DYNLT2: variants seen among roughly 807,000 people sequenced by gnomAD.
DYNLT2 encodes dynein light chain Tctex-type 2.
Under a neutral mutation model 24.3 loss-of-function variants are expected in DYNLT2, and 24 were observed. The ratio of observed to expected loss-of-function variants is 0.99; its 90% CI spans 0.71 to 1.39. The LOEUF (loss-of-function observed/expected upper bound fraction) is 1.39, where lower values mean the gene tolerates loss of function less well. Among genes scored for constraint, DYNLT2 ranks in the 40% most tolerant of loss-of-function variants. DYNLT2 has a pLI of 0.00. For synonymous variants in DYNLT2, 85 were observed against 85.4 expected (o/e 1.00, Z 0.03); for missense variants, 246 against 234.5 (o/e 1.05, Z -0.32).
downstream of DYNLT2, among the ~76,000 whole-genome samples, chr6:169,736,142 GT>G (rs59505534): frequency 0.22 from 31,840 of 142,830 alleles, 4,176 homozygotes; most frequent in East Asian, 0.64. Flanking sequence ...TTTTTTGTTT[GT>G]TTTTTTTTTT....
At chr6:169,738,517 C>T (rs757602756), downstream of DYNLT2, among the ~76,000 whole-genome samples, 1 of 152,168 alleles carries the variant, frequency 6.6e-6, no homozygotes, top group African/African-American at 2.4e-5. Context: ...ACCACCTCCC[C>T]TGGCTTGGGG....
At chr6:169,748,457 T>C (rs1460534555) in intron 1 of DYNLT2, among the ~76,000 whole-genome samples, 3 of 152,164 alleles carry the variant, frequency 2.0e-5, no homozygotes, top group Admixed American at 6.5e-5. Flanking sequence ...AAACAATTGT[T>C]CCATACATTT....
intron 3 of DYNLT2, among the ~76,000 whole-genome samples, chr6:169,741,099 G>A (rs147754914): frequency 2.2e-3 from 333 of 152,160 alleles, no homozygotes; most frequent in Admixed American, 4.5e-3. Flanking sequence ...GAGCTACCAC[G>A]TCTGGCCGAA....
intron 3 of DYNLT2, among the ~76,000 whole-genome samples, chr6:169,742,140 ATAAT>A (rs1465996391): frequency 2.0e-5 from 3 of 152,242 alleles, no homozygotes; most frequent in Non-Finnish European, 4.4e-5. Context: ...TTATTAATAA[ATAAT>A]GTTTATAATT....
chr6:169,730,753 C>T, the DYNLT2 span, among the ~76,000 whole-genome samples: 1 of 152,138 alleles, frequency 6.6e-6, no homozygotes, highest in African/African-American at 2.4e-5. Flanking sequence ...AAAAAATTAG[C>T]CGGGCATGGT....
At chr6:169,730,188 A>G in the DYNLT2 span, among the ~76,000 whole-genome samples, 1 of 152,204 alleles carries the variant, frequency 6.6e-6, no homozygotes, top group Non-Finnish European at 1.5e-5. Flanking sequence ...AGAACTGTGC[A>G]AAGTGAGGAC....
At chr6:169,733,978 G>C in the DYNLT2 span, among the ~76,000 whole-genome samples, 1 of 151,984 alleles carries the variant, frequency 6.6e-6, no homozygotes, top group Admixed American at 6.6e-5. Context: ...GTGGTTTGTA[G>C]TTCTTGAAGA....
intron 1 of DYNLT2, among the ~76,000 whole-genome samples, chr6:169,749,154 C>T (rs1470578046): frequency 6.6e-6 from 1 of 152,062 alleles, no homozygotes; most frequent in Non-Finnish European, 1.5e-5. Context: ...GGCTGGAGTG[C>T]AGTGGCATGA....
downstream of DYNLT2, chr6:169,738,900 C>T (rs1393629589): frequency 1.3e-5 from 2 of 152,120 alleles, no homozygotes; most frequent in African/African-American, 4.8e-5. Context: ...AGCCAAACTC[C>T]ATTTGGATCT....
At chr6:169,728,531 A>G in the DYNLT2 span, among the ~76,000 whole-genome samples, 1 of 152,338 alleles carries the variant, frequency 6.6e-6, no homozygotes, top group Non-Finnish European at 1.5e-5. Flanking sequence ...AAAAATGACC[A>G]TGGAAGTTGA....
Position 169,751,446 on chromosome 6 carries a change from C to G in DYNLT2, c.13G>C (p.Gly5Arg). 1 of 1,614,038 alleles carries G rather than the reference C, an allele frequency of 6.2e-7. No homozygotes were observed. Among genetic ancestry groups the G allele is most frequent in the Non-Finnish European group, 8.5e-7 (1 of 1,180,008 alleles). The change falls in exon 1 of 4, where the codon GGC (glycine) becomes CGC (arginine). Residue 5 changes from glycine to arginine, a missense_variant. Coordinates refer to ENST00000366774, the MANE Select transcript of DYNLT2 (RefSeq NM_174910.3). MEKR[G>R]RGVKSSPIQT... The stretch of plus-strand genomic sequence containing the variant: ...ATGGGGCTCGACTTCACGCCTCGGC[C>G]TCGCTTCTCCATCTCGCTCTGTTCT...
intron 3 of DYNLT2, among the ~76,000 whole-genome samples, chr6:169,742,867 G>A (rs559220984): frequency 3.3e-5 from 5 of 152,134 alleles, no homozygotes; most frequent in Non-Finnish European, 7.3e-5. Context: ...CCAAACTACT[G>A]GGATTACAGG....
the DYNLT2 span, among the ~76,000 whole-genome samples, chr6:169,728,323 C>T: frequency 2.6e-5 from 4 of 152,076 alleles, no homozygotes; most frequent in Non-Finnish European, 4.4e-5. Flanking sequence ...TGGCTGTCTT[C>T]GGGGTACTAG....
the DYNLT2 span, chr6:169,725,153 A>G: frequency 2.5e-6 from 1 of 398,598 alleles, no homozygotes; most frequent in Non-Finnish European, 4.4e-6. Flanking sequence ...ACCGCACTAA[A>G]AACAGCGGAA....
At chr6:169,746,346 C>A (rs1789800059) in intron 1 of DYNLT2, among the ~76,000 whole-genome samples, 1 of 151,970 alleles carries the variant, frequency 6.6e-6, no homozygotes, top group Non-Finnish European at 1.5e-5. Flanking sequence ...TTCTTCTTTT[C>A]TAATATATGC....
In DYNLT2 at chr6:169,744,245, T is replaced by G. The variant is rs145231238; in HGVS notation, c.150A>C (p.Arg50Ser). ...CATACTGAACATTGTGAATTGACTC[T>G]CTCAGTCTTTCTCTTAAAATCTGTG... Reference protein sequence around the residue: ...AYTQILRERLRESIHNVQYVE... With the variant: ...AYTQILRERLSESIHNVQYVE... The change falls in exon 2 of 4, where the codon AGA (arginine) becomes AGC (serine). Residue 50 changes from arginine to serine, a missense_variant. Physicochemically the swap from Arg to Ser is moderately radical, Grantham distance 110. Transcript: ENST00000366774. 6.2e-7 allele frequency: 1 copy of G among 1,613,514 alleles called. No homozygotes were observed. The highest frequency in any genetic ancestry group is 2.2e-5 in the East Asian group (1 of 44,846).
chr6:169,725,739 T>G, the DYNLT2 span: 1 of 156,420 alleles, frequency 6.4e-6, no homozygotes, highest in Non-Finnish European at 1.4e-5. Flanking sequence ...TGTCAGAGAA[T>G]GGAGTCAGGG....
At chr6:169,744,013 G>C in intron 2 of DYNLT2, 55 bp downstream of exon 2, 1 of 1,517,522 alleles carries the variant, frequency 6.6e-7, no homozygotes, top group Non-Finnish European at 9.0e-7. Flanking sequence ...TATAATTTCT[G>C]TTTCTCTGTA....
At chr6:169,725,498 G>A in the DYNLT2 span, 12 of 396,210 alleles carry the variant, frequency 3.0e-5, no homozygotes, top group Non-Finnish European at 5.3e-5. Context: ...CTCAGCCTCA[G>A]CCAGACCATC....
Sources: gnomAD v4.1 joint callset for allele counts (sites outside exome capture counted in the v4.1 genomes callset) on GRCh38, gnomAD v4.1.1 for gene constraint, MANE v1.5 for transcripts, NCBI Gene and HGNC (gene_info 2026-07-23, HGNC 2026-07-21) for gene names.